Variants in SCARA5 observed in about 807,000 individuals in gnomAD.
SCARA5 encodes scavenger receptor class A member 5, also known as scavenger receptor class A, member 5 (putative).
In SCARA5, 45 loss-of-function variants were observed where a neutral mutation model predicts 46.3. The observed-to-expected ratio is 0.97, with a 90% CI of 0.76 to 1.24. The LOEUF (loss-of-function observed/expected upper bound fraction) is 1.24, where lower values mean the gene tolerates loss of function less well. SCARA5 is among the 50% of genes most tolerant of loss of function. The pLI, the probability that SCARA5 is intolerant of heterozygous loss-of-function variation, is 0.00. For missense variants in SCARA5, 680 were observed against 689.0 expected (o/e 0.99, Z 0.15); for synonymous variants, 333 against 306.5 (o/e 1.09, Z -0.90).
chr8:27,933,461 G>A (rs2726925), intron 3 of SCARA5, among the ~76,000 whole-genome samples: 139,106 of 150,338 alleles, frequency 0.93, 65,082 homozygotes, highest in East Asian at 1. Flanking sequence ...GGTAGAGGTT[G>A]CAGTGAGCCA....
intron 4 of SCARA5, among the ~76,000 whole-genome samples, chr8:27,918,337 A>G (rs1388524760): frequency 6.6e-6 from 1 of 152,132 alleles, no homozygotes; most frequent in Admixed American, 6.5e-5. Flanking sequence ...TCCCATTTTA[A>G]AACAAAACAG....
intron 3 of SCARA5, among the ~76,000 whole-genome samples, chr8:27,929,512 C>T (rs1807734500): frequency 6.6e-6 from 1 of 152,168 alleles, no homozygotes; most frequent in African/African-American, 2.4e-5. Flanking sequence ...AAGAATTCTG[C>T]ATCCATTGCC....
chr8:27,873,985 G>T (rs564087212), intron 8 of SCARA5, among the ~76,000 whole-genome samples: 65 of 152,208 alleles, frequency 4.3e-4, no homozygotes, highest in Non-Finnish European at 8.7e-4. Flanking sequence ...GTGAGGCGGA[G>T]GTTACAGCGA....
chr8:27,937,441 G>A (rs547007097), intron 3 of SCARA5, among the ~76,000 whole-genome samples: 1 of 152,166 alleles, frequency 6.6e-6, no homozygotes, highest in Admixed American at 6.5e-5. Context: ...GGTCCTGGGG[G>A]CATGAGGCCC....
intron 7 of SCARA5, among the ~76,000 whole-genome samples, chr8:27,892,847 C>A (rs1367004893): frequency 6.6e-6 from 1 of 152,170 alleles, no homozygotes; most frequent in Admixed American, 6.5e-5. Flanking sequence ...ACCTCGTGAT[C>A]CGCCTGCCTG....
chr8:27,900,425 G>A (rs934979714), intron 7 of SCARA5, among the ~76,000 whole-genome samples: 22 of 152,294 alleles, frequency 1.4e-4, no homozygotes, highest in Admixed American at 5.2e-4. Context: ...TACACTGCAT[G>A]CTGGGGTGCC....
At chr8:27,873,267 T>C (rs1806669285) in intron 8 of SCARA5, among the ~76,000 whole-genome samples, 1 of 152,048 alleles carries the variant, frequency 6.6e-6, no homozygotes. Flanking sequence ...CCATTATCTC[T>C]CCATACCATC....
rs769481125 is a variant in SCARA5, at chr8:27,987,586, G to A, written c.30C>T (p.Thr10=). The A allele has an allele frequency of 4.5e-5, 73 of 1,613,590 alleles. No homozygotes were observed. The highest frequency in any genetic ancestry group is 5.5e-5 in the South Asian group (5 of 91,076). MENKAMYLH[T]VSDCDTSSIC... is the part of the protein sequence containing the mutation. Reference sequence around the variant, plus strand: ...TGGAGCTGGTGTCACAGTCGCTGACGGTGTGTAGGTACATAGCTTTGTTCT... The same window carrying A: ...TGGAGCTGGTGTCACAGTCGCTGACAGTGTGTAGGTACATAGCTTTGTTCT... Residue 10 remains threonine, a synonymous_variant, in exon 2 of 9, where the codon ACC becomes ACT. Coordinates refer to ENST00000354914, the MANE Select transcript of SCARA5 (RefSeq NM_173833.6).
At chr8:27,890,206 AG>A (rs1806959738) in intron 7 of SCARA5, among the ~76,000 whole-genome samples, 1 of 152,238 alleles carries the variant, frequency 6.6e-6, no homozygotes, top group Non-Finnish European at 1.5e-5. Flanking sequence ...AGGAAACTGA[AG>A]TTGACAGAGA....
At chr8:27,929,386 T>C (rs1439455286) in intron 3 of SCARA5, among the ~76,000 whole-genome samples, 3 of 152,122 alleles carry the variant, frequency 2.0e-5, no homozygotes, top group Non-Finnish European at 4.4e-5. Flanking sequence ...GTCCCTACAG[T>C]GCCAGCTGGG....
At chr8:27,923,022 C>T (rs1807623729) in intron 3 of SCARA5, among the ~76,000 whole-genome samples, 1 of 152,222 alleles carries the variant, frequency 6.6e-6, no homozygotes, top group African/African-American at 2.4e-5. Context: ...TTATAAATTA[C>T]CCAGTCTACA....
intron 3 of SCARA5, among the ~76,000 whole-genome samples, chr8:27,933,516 C>G (rs1807809728): frequency 1.7e-5 from 1 of 57,614 alleles, no homozygotes; most frequent in African/African-American, 7.2e-5. Context: ...AGTGAGACTC[C>G]ATCTTAAAAA....
chr8:27,923,933 C>T (rs1188646087), intron 3 of SCARA5, among the ~76,000 whole-genome samples: 2 of 152,204 alleles, frequency 1.3e-5, no homozygotes, highest in African/African-American at 4.8e-5. Context: ...CAGTGATCCC[C>T]CACCCCTTCC....
chr8:27,922,092 A>G lies in SCARA5; in HGVS notation c.395T>C (p.Leu132Pro). Reference protein sequence around the residue: ...TEQVWKVQDALQNQSDSLLAL... With the variant: ...TEQVWKVQDAPQNQSDSLLAL... The stretch of plus-strand genomic sequence containing the variant: ...CAGCAACGAGTCTGACTGGTTCTGC[A>G]GCGCGTCCTGCACCTTCCACACCTG... The change falls in exon 4 of 9, where the codon CTG becomes CCG. Residue 132 changes from leucine (L) to proline (P), a missense_variant. Leu to Pro is a moderately conservative substitution (Grantham distance 98). This residue lies in a region of SCARA5 where 438 missense variants were observed against 384.5 expected (regional missense o/e 1.14). Coordinates refer to ENST00000354914, the MANE Select transcript of SCARA5 (RefSeq NM_173833.6). 6.2e-7 allele frequency: 1 copy of G among 1,602,058 alleles called. No homozygotes were observed. The highest frequency in any genetic ancestry group is 1.1e-5 in the South Asian group (1 of 89,318).
rs2129830008 is a variant in SCARA5, at chr8:27,926,955, C to T, written c.242-4710G>A. Among the ~76,000 whole-genome samples, 3 of 152,308 alleles carry T rather than the reference C, an allele frequency of 2.0e-5. No individual in the cohort carries two copies. In the Middle Eastern group the frequency reaches 0.01, roughly 518 times the overall value. ...CACAGCTTATCAGAAGTTGTGAGAACAGTTCCAGTTTTGGTTCTCAAACTG... is the reference window on the plus strand; with the variant it reads ...CACAGCTTATCAGAAGTTGTGAGAATAGTTCCAGTTTTGGTTCTCAAACTG... On this transcript the variant is annotated intron_variant, in intron 3 of 8. Coordinates refer to ENST00000354914, the MANE Select transcript of SCARA5 (RefSeq NM_173833.6).
intron 3 of SCARA5, among the ~76,000 whole-genome samples, chr8:27,943,858 C>T (rs144566109): frequency 5.9e-5 from 9 of 152,240 alleles, no homozygotes; most frequent in African/African-American, 1.4e-4. Context: ...ATTTACACAG[C>T]CTCAGAGTGT....
intron 7 of SCARA5, among the ~76,000 whole-genome samples, chr8:27,886,575 G>GAGGC (rs1806899061): frequency 2.6e-5 from 4 of 152,312 alleles, no homozygotes; most frequent in African/African-American, 9.6e-5. Context: ...AGGTATAGGG[G>GAGGC]AGGCAGGCAG....
intron 2 of SCARA5, among the ~76,000 whole-genome samples, chr8:27,976,284 C>G (rs1279444077): frequency 6.6e-6 from 1 of 152,112 alleles, no homozygotes; most frequent in Admixed American, 6.5e-5. Flanking sequence ...TGCAAATGCA[C>G]AGTACACGGA....
intron 3 of SCARA5, among the ~76,000 whole-genome samples, chr8:27,932,416 C>G (rs143295341): frequency 1.4e-4 from 21 of 152,346 alleles, no homozygotes; most frequent in African/African-American, 4.6e-4. Context: ...CAGGGGGACC[C>G]TGTATTAGTC....
Sources: gnomAD v4.1 joint callset for allele counts (sites outside exome capture counted in the v4.1 genomes callset) on GRCh38, gnomAD v4.1.1 for gene constraint, gnomAD v4.1.1 regional missense constraint, MANE v1.5 for transcripts, NCBI Gene and HGNC (gene_info 2026-07-23, HGNC 2026-07-21) for gene names.